Variants in CFAP52 observed in about 807,000 individuals in gnomAD.
CFAP52 encodes the protein cilia- and flagella-associated protein 52.
In CFAP52, 57 loss-of-function variants were observed where a neutral mutation model predicts 70.5. The observed-to-expected ratio is 0.81, with a 90% CI of 0.65 to 1.01. The LOEUF is 1.01. Ranked by LOEUF, CFAP52 falls within the 50% of genes least tolerant of loss-of-function variation. The pLI is 0.00. For synonymous variants in CFAP52, 267 were observed against 292.5 expected (o/e 0.91, Z 0.89); for missense variants, 785 against 788.5 (o/e 1.00, Z 0.05).
intron 1 of CFAP52, among the ~76,000 whole-genome samples, chr17:9,584,986 T>C (rs918159426): frequency 2.0e-5 from 3 of 152,160 alleles, no homozygotes; most frequent in Admixed American, 6.5e-5. Flanking sequence ...AGACATGGAT[T>C]AACCTGGAGA....
intron 12 of CFAP52, among the ~76,000 whole-genome samples, chr17:9,640,283 T>C (rs1910993971): frequency 6.6e-6 from 1 of 151,072 alleles, no homozygotes; most frequent in African/African-American, 2.4e-5. Flanking sequence ...GATGTGCAGG[T>C]TTGTTCCATA....
intron 1 of CFAP52, among the ~76,000 whole-genome samples, chr17:9,583,656 A>G (rs1244739302): frequency 6.6e-6 from 1 of 152,208 alleles, no homozygotes. Context: ...TATACATTTA[A>G]TACTATCTCA....
intron 3 of CFAP52, among the ~76,000 whole-genome samples, chr17:9,588,578 C>T (rs185607374): frequency 2.0e-5 from 3 of 152,248 alleles, no homozygotes; most frequent in East Asian, 1.9e-4. Context: ...CCACTCACCT[C>T]GGACTTCAGC....
chr17:9,588,547 GTGTTCTTTC>G (rs1199844654), intron 3 of CFAP52, among the ~76,000 whole-genome samples: 1 of 152,126 alleles, frequency 6.6e-6, no homozygotes, highest in Non-Finnish European at 1.5e-5. Context: ...CAGCCCCCGA[GTGTTCTTTC>G]TGCTCATCTA....
intron 6 of CFAP52, among the ~76,000 whole-genome samples, chr17:9,607,060 T>C (rs1174925552): frequency 6.6e-6 from 1 of 152,160 alleles, no homozygotes; most frequent in Admixed American, 6.5e-5. Context: ...AAATCAAATG[T>C]TGTGGCTGAG....
At chr17:9,630,524 G>A (rs1243546917) in intron 9 of CFAP52, among the ~76,000 whole-genome samples, 1 of 149,002 alleles carries the variant, frequency 6.7e-6, no homozygotes, top group Non-Finnish European at 1.5e-5. Context: ...CCGCCTCCCG[G>A]GTTCACGCCA....
rs76048087 is a variant in CFAP52, at chr17:9,593,203, C to T, written c.408-990C>T. 1.4e-4 allele frequency among the ~76,000 whole-genome samples: 21 copies of T among 152,072 alleles called. No homozygotes were observed. In the East Asian group the frequency reaches 4.1e-3, roughly 29 times the overall value. Reference sequence around the variant, plus strand: ...TGATTCGAACATTTAACATAACGCCCCCTCCCCAGCATTTTTTTGTATTAT... The same window carrying T: ...TGATTCGAACATTTAACATAACGCCTCCTCCCCAGCATTTTTTTGTATTAT... On this transcript the variant is annotated intron_variant, in intron 3 of 13. Transcript: ENST00000352665.
At chr17:9,604,950 T>C (rs540277541) in intron 6 of CFAP52, among the ~76,000 whole-genome samples, 1 of 152,256 alleles carries the variant, frequency 6.6e-6, no homozygotes, top group South Asian at 2.1e-4. Flanking sequence ...CACCTAATAT[T>C]GACAGAGATG....
chr17:9,600,191 G>C lies in CFAP52; in HGVS notation c.753+8G>C. 6.2e-7 allele frequency: 1 copy of C among 1,611,020 alleles called. No individual in the cohort carries two copies. The highest frequency in any genetic ancestry group is 8.5e-7 in the Non-Finnish European group (1 of 1,177,346). ...AAGGACAAATTCAGTTTGGTGAGTA[G>C]AGACCATCGCCACTGCCCTGCCATT... On this transcript the variant is annotated splice_region_variant and intron_variant, in intron 6 of 13. Coordinates refer to ENST00000352665, the MANE Select transcript of CFAP52 (RefSeq NM_145054.5).
rs79401267 is a variant in CFAP52, at chr17:9,643,078, C to T, written c.1743C>T (p.His581=). The T allele has an allele frequency of 1.5e-5, 24 of 1,612,136 alleles. No homozygotes were observed. In the East Asian group the frequency reaches 2.7e-4, roughly 18 times the overall value. The change falls in exon 14 of 14, where the codon CAC becomes CAT. Residue 581 remains histidine (H), a synonymous_variant. Transcript: ENST00000352665. ...VWDYNEGEVT[H]VGVGHSGNIT... The stretch of plus-strand genomic sequence containing the variant: ...ATTATAATGAGGGTGAAGTGACTCA[C>T]GTTGGGGTGGGACACAGTGGCAACA...
intron 6 of CFAP52, among the ~76,000 whole-genome samples, chr17:9,604,525 T>G (rs1413298265): frequency 2.0e-5 from 3 of 151,980 alleles, no homozygotes; most frequent in African/African-American, 7.3e-5. Flanking sequence ...CCCAGCACTT[T>G]GGGAGGCTGA....
intron 1 of CFAP52, among the ~76,000 whole-genome samples, chr17:9,581,416 C>T (rs11870993): frequency 0.018 from 2,799 of 152,060 alleles, 87 homozygotes; most frequent in African/African-American, 0.064. Context: ...TGTATATAAA[C>T]TAATGAGGAA....
At chr17:9,639,719 A>T (rs1910970808) in intron 12 of CFAP52, among the ~76,000 whole-genome samples, 1 of 152,178 alleles carries the variant, frequency 6.6e-6, no homozygotes, top group Admixed American at 6.5e-5. Context: ...GGGCGGGGGA[A>T]AGCTCCTTCA....
intron 8 of CFAP52, among the ~76,000 whole-genome samples, chr17:9,620,983 A>C (rs1343185587): frequency 5.3e-4 from 29 of 54,766 alleles, no homozygotes; most frequent in East Asian, 2.9e-3. Context: ...CAATGGCAAC[A>C]AAAGCCAAAA....
intron 9 of CFAP52, 68 bp downstream of exon 9, chr17:9,628,888 C>G: frequency 6.2e-7 from 1 of 1,600,166 alleles, no homozygotes; most frequent in African/African-American, 1.3e-5. Flanking sequence ...CACTCTCCTC[C>G]CATACTAGTC....
At position 9,600,095 on chromosome 17, in the gene CFAP52, TTGGCACCACGAC is replaced by T. The variant is rs768196533; in HGVS notation, c.669_680del (p.Thr224_Gly227del). On this transcript the variant is annotated inframe_deletion, in exon 6 of 14. Transcript: ENST00000352665. The stretch of plus-strand genomic sequence containing the variant: ...GATGATGATGATAGCTTTTTCTACC[TTGGCACCACGAC>T]TGGAGATATTCTAAAAATGAACCCC... 1 of 1,613,824 alleles carries T rather than the reference TTGGCACCACGAC, an allele frequency of 6.2e-7. No homozygotes were observed. Among genetic ancestry groups the T allele is most frequent in the Non-Finnish European group, 8.5e-7 (1 of 1,179,838 alleles).
At position 9,612,404 on chromosome 17, in the gene CFAP52, T is replaced by C; in HGVS notation, c.950T>C (p.Val317Ala). The stretch of plus-strand genomic sequence containing the variant: ...ACAGAAGAATCGCACATTTATCGTG[T>C]CAGCTTCACGGATTTCAAAGAGACG... Reference protein sequence around the residue: ...VGTEESHIYRVSFTDFKETLI... With the variant: ...VGTEESHIYRASFTDFKETLI... Residue 317 changes from valine (V) to alanine (A), a missense_variant, in exon 8 of 14, where the codon GTC (valine) becomes GCC (alanine). Coordinates refer to ENST00000352665, the MANE Select transcript of CFAP52 (RefSeq NM_145054.5). 6.2e-7 allele frequency: 1 copy of C among 1,614,254 alleles called. No homozygotes were observed. The highest frequency in any genetic ancestry group is 8.5e-7 in the Non-Finnish European group (1 of 1,180,036).
rs1183544911 is a variant in CFAP52 at position 9,610,434 on chromosome 17, A to C, written c.855-1875A>C. On this transcript the variant is annotated intron_variant, in intron 7 of 13. Transcript: ENST00000352665. ...TTTCCACCTGCTGGGCTTTTTGTAG[A>C]TTGAAAAGGCTGCTCACATGAGAAG... The C allele has an allele frequency of 3.9e-5, 6 of 152,150 alleles. No homozygotes were observed. The East Asian group carries it at 5.8e-4, about 15-fold the overall frequency. 9.4% of individuals were successfully genotyped at this position (152,150 alleles called of 1,614,324 possible).
intron 8 of CFAP52, among the ~76,000 whole-genome samples, chr17:9,613,798 C>T (rs1483789766): frequency 1.3e-5 from 2 of 152,044 alleles, no homozygotes; most frequent in African/African-American, 2.4e-5. Context: ...GGATTACAGG[C>T]GTGAGCCACT....
Sources: allele counts gnomAD v4.1 joint callset (sites outside exome capture counted in the v4.1 genomes callset), GRCh38; gene constraint gnomAD v4.1.1; transcripts MANE v1.5; gene names NCBI Gene and HGNC (gene_info 2026-07-23, HGNC 2026-07-21).